The following CARMIL1 variants were observed in gnomAD, a reference collection of about 807,000 sequenced individuals.
The protein encoded by CARMIL1 is capping protein regulator and myosin 1 linker 1.
CARMIL1 carries 90 observed loss-of-function variants against 177.1 expected under a neutral mutation model. The ratio of observed to expected loss-of-function variants is 0.51; its 90% CI spans 0.43 to 0.61. The LOEUF is 0.61. Ranked by LOEUF, CARMIL1 falls within the 20% of genes least tolerant of loss-of-function variation. The pLI is 0.00. For synonymous variants in CARMIL1, 577 were observed against 606.2 expected, an observed-to-expected ratio of 0.95 and a Z score of 0.71; for missense variants, 1,380 against 1,667.0, an observed-to-expected ratio of 0.83 and a Z score of 3.00.
intron 2 of CARMIL1, among the ~76,000 whole-genome samples, chr6:25,356,353 G>A (rs892357118): frequency 1.2e-4 from 19 of 152,134 alleles, no homozygotes; most frequent in Admixed American, 3.3e-4. Context: ...CACCGCGCCC[G>A]GTCCTCCTTC....
chr6:25,330,375 G>C (rs1466287023), intron 2 of CARMIL1, among the ~76,000 whole-genome samples: 2 of 152,162 alleles, frequency 1.3e-5, no homozygotes, highest in African/African-American at 4.8e-5. Context: ...TGCAGGAAGG[G>C]CTAAGATATG....
At chr6:25,445,500 T>C (rs1798142690) in intron 5 of CARMIL1, among the ~76,000 whole-genome samples, 1 of 152,126 alleles carries the variant, frequency 6.6e-6, no homozygotes, top group African/African-American at 2.4e-5. Context: ...GGAATCACTA[T>C]CTATGGCTGC....
At chr6:25,471,124 C>G in intron 9 of CARMIL1, 45 bp from the exon 10 acceptor site, 1 of 1,281,046 alleles carries the variant, frequency 7.8e-7, no homozygotes, top group Non-Finnish European at 1.1e-6. Context: ...TAAAGTTTTT[C>G]TTCTTTAGAG....
chr6:25,599,883 T>G (rs1815221872), intron 32 of CARMIL1, among the ~76,000 whole-genome samples: 1 of 152,130 alleles, frequency 6.6e-6, no homozygotes, highest in South Asian at 2.1e-4. Context: ...AGGGGTTAGG[T>G]TATGGATTAA....
intron 1 of CARMIL1, among the ~76,000 whole-genome samples, chr6:25,282,503 T>C (rs558959148): frequency 2.0e-5 from 3 of 152,290 alleles, no homozygotes; most frequent in South Asian, 2.1e-4. Flanking sequence ...ACACTGTCTT[T>C]TTCTCCCCGT....
At chr6:25,537,791 T>C in intron 24 of CARMIL1, 64 bp from the exon 25 acceptor site, 1 of 1,589,938 alleles carries the variant, frequency 6.3e-7, no homozygotes, top group Non-Finnish European at 8.6e-7. Flanking sequence ...TCGTTCTGTG[T>C]TTCCTTCTAT....
At chr6:25,325,046 A>G (rs868356736) in intron 2 of CARMIL1, among the ~76,000 whole-genome samples, 3 of 152,128 alleles carry the variant, frequency 2.0e-5, no homozygotes, top group Non-Finnish European at 4.4e-5. Flanking sequence ...TTGCTTTCCT[A>G]TGTGGCAACA....
chr6:25,360,614 G>T (rs998900952), intron 2 of CARMIL1, among the ~76,000 whole-genome samples: 1 of 152,178 alleles, frequency 6.6e-6, no homozygotes, highest in Admixed American at 6.5e-5. Flanking sequence ...GGAGAAGACT[G>T]GGATAGCCAA....
chr6:25,398,354 T>C (rs1016283513), intron 2 of CARMIL1, among the ~76,000 whole-genome samples: 2 of 152,192 alleles, frequency 1.3e-5, no homozygotes, highest in Non-Finnish European at 1.5e-5. Flanking sequence ...AACTCACAAA[T>C]AGAGAAATCA....
chr6:25,582,631 T>A (rs969537511), intron 31 of CARMIL1, among the ~76,000 whole-genome samples: 2 of 152,160 alleles, frequency 1.3e-5, no homozygotes, highest in Admixed American at 6.5e-5. Flanking sequence ...CTTGCTAGGC[T>A]ACCTCCCATC....
At position 25,515,584 on chromosome 6, in the gene CARMIL1, C is replaced by T. The variant is rs1034225842; in HGVS notation, c.1633-91C>T. On this transcript the variant is annotated intron_variant, in intron 20 of 36. Coordinates refer to ENST00000329474, the MANE Select transcript of CARMIL1 (RefSeq NM_017640.6). This position sits in a 1 kb window ranked among gnomAD's most constrained non-coding sequence, Gnocchi z 5.0. ...CTAAAATCAGACACGTGCAGTAGGT[C>T]CATCCCCTCTCATTCTCCACGAAAT... 8.2e-6 allele frequency: 10 copies of T among 1,213,042 alleles called. No homozygotes were observed. The highest frequency in any genetic ancestry group is 1.6e-5 in the South Asian group (1 of 63,554). The allele number at this position is 1,213,042 out of a possible 1,614,324, so 75.1% of individuals were successfully genotyped here.
At chr6:25,284,755 T>C in intron 1 of CARMIL1, 57 bp from the exon 2 acceptor site, 1 of 949,020 alleles carries the variant, frequency 1.1e-6, no homozygotes. Context: ...CTCCAAATGC[T>C]TACTCCTCCT....
At chr6:25,446,004 T>A (rs934080668) in intron 5 of CARMIL1, among the ~76,000 whole-genome samples, 1 of 152,206 alleles carries the variant, frequency 6.6e-6, no homozygotes, top group Non-Finnish European at 1.5e-5. Flanking sequence ...GCAGTAGGTC[T>A]CAACAGTGGG....
At chr6:25,358,531 TTAAG>T (rs767191023) in intron 2 of CARMIL1, among the ~76,000 whole-genome samples, 7 of 152,194 alleles carry the variant, frequency 4.6e-5, no homozygotes, top group South Asian at 2.1e-4. Context: ...AATTAGAAAA[TTAAG>T]TAAGATGTTT....
At chr6:25,394,855 T>G (rs1345527838) in intron 2 of CARMIL1, among the ~76,000 whole-genome samples, 3 of 152,254 alleles carry the variant, frequency 2.0e-5, no homozygotes, top group East Asian at 1.9e-4. Flanking sequence ...TGGAAATGTC[T>G]TACTGTTTAT....
chr6:25,474,886 C>G (rs1394297323), intron 11 of CARMIL1, among the ~76,000 whole-genome samples: 1 of 152,132 alleles, frequency 6.6e-6, no homozygotes, highest in Non-Finnish European at 1.5e-5. Flanking sequence ...GAGGAAGGTT[C>G]TTAAGCAAAT....
chr6:25,582,043 T>C (rs1582430847), intron 31 of CARMIL1, among the ~76,000 whole-genome samples: 1 of 152,200 alleles, frequency 6.6e-6, no homozygotes, highest in African/African-American at 2.4e-5. Flanking sequence ...TTCTCTCCTT[T>C]ATAGCTAAAC....
chr6:25,415,481 C>G (rs1044878822), intron 2 of CARMIL1, among the ~76,000 whole-genome samples: 1 of 140,586 alleles, frequency 7.1e-6, no homozygotes, highest in African/African-American at 2.6e-5. Flanking sequence ...CCCACCCCCA[C>G]TCCCCCACTG....
intron 2 of CARMIL1, among the ~76,000 whole-genome samples, chr6:25,309,042 TTC>T (rs529288508): frequency 7.9e-4 from 121 of 152,266 alleles, no homozygotes; most frequent in African/African-American, 2.7e-3. Flanking sequence ...CCTTAGATTT[TTC>T]TCTGTTTTAA....
Sources: gnomAD v4.1 joint callset for allele counts (sites outside exome capture counted in the v4.1 genomes callset) on GRCh38, gnomAD v4.1.1 for gene constraint, Gnocchi (gnomAD v3.1) non-coding constraint, MANE v1.5 for transcripts, NCBI Gene and HGNC (gene_info 2026-07-23, HGNC 2026-07-21) for gene names.